Variants in SYT17 observed in about 807,000 individuals in gnomAD.
SYT17 encodes the protein synaptotagmin-17.
Under a neutral mutation model 46.7 loss-of-function variants are expected in SYT17, and 22 were observed. That is an observed-to-expected ratio of 0.47 (90% confidence interval 0.34 to 0.67). The LOEUF (loss-of-function observed/expected upper bound fraction) is 0.67. SYT17 is among the 30% of genes least tolerant of loss of function. The pLI, the probability that SYT17 is intolerant of heterozygous loss-of-function variation, is 0.01. For synonymous variants in SYT17, 251 were observed against 248.4 expected, an observed-to-expected ratio of 1.01 and a Z score of -0.10; for missense variants, 519 against 612.8, an observed-to-expected ratio of 0.85 and a Z score of 1.62.
At chr16:19,223,497 G>GT (rs1026957283) in intron 6 of SYT17, among the ~76,000 whole-genome samples, 9 of 152,120 alleles carry the variant, frequency 5.9e-5, no homozygotes, top group Non-Finnish European at 1.0e-4. Flanking sequence ...ACACCCTAAG[G>GT]TTTTTCGCCA....
chr16:19,175,366 A>T (rs1414235201), intron 3 of SYT17, among the ~76,000 whole-genome samples: 2 of 151,922 alleles, frequency 1.3e-5, no homozygotes, highest in African/African-American at 4.8e-5. Flanking sequence ...TCAAGAGATA[A>T]TTCACAGCCG....
At position 19,245,471 on chromosome 16, in the gene SYT17, C is replaced by T. The variant is rs182938331; in HGVS notation, c.1228+20633C>T. On this transcript the variant is annotated intron_variant, in intron 7 of 7. Transcript: ENST00000355377. The stretch of plus-strand genomic sequence containing the variant: ...TGAGGTGGTGATCTCCACCAGGCGC[C>T]GAGAAGGGCAGGTTTGCCTGGGCTC... 3.6e-3 allele frequency among the ~76,000 whole-genome samples: 545 copies of T among 152,208 alleles called. 2 individuals carry two copies. Among genetic ancestry groups the T allele is most frequent in the African/African-American group, 0.012 (506 of 41,502 alleles).
In SYT17 at chr16:19,224,685, C is replaced by T; in HGVS notation, c.1075C>T (p.Pro359Ser). ...ATGATGCTGTGTCTAATTTTCAGAC[C>T]CCTTTGTGAAAATCCAGCTGGTGCA... The part of the protein sequence containing the change: ...LQTDVSQGSD[P>S]FVKIQLVHGL... Residue 359 changes from proline (P) to serine (S), a missense_variant and splice_region_variant, in exon 7 of 8, where the codon CCC (proline) becomes TCC (serine). Physicochemically the swap from Pro to Ser is moderately conservative, Grantham distance 74 (BLOSUM62 -1). Transcript: ENST00000355377. 6.2e-7 allele frequency: 1 copy of T among 1,613,756 alleles called. No individual in the cohort carries two copies. The highest frequency in any genetic ancestry group is 8.5e-7 in the Non-Finnish European group (1 of 1,179,804).
intron 5 of SYT17, among the ~76,000 whole-genome samples, chr16:19,219,120 AGGCCGGGCGCGGTGGCTC>A (rs1966206158): frequency 3.1e-5 from 2 of 63,666 alleles, no homozygotes; most frequent in African/African-American, 8.6e-5. Context: ...TAATAAAACA[AGGCCGGGCGCGGTGGCTC>A]ACGCCTGTAA....
rs1965266869 is a variant in SYT17 at position 19,196,864 on chromosome 16, T to G, written c.951+12717T>G. ...AGAATAATTTCTCTGGGACTTTTTT[T>G]TAAGCCAAAATACTTGATAATTTGA... On this transcript the variant is annotated intron_variant, in intron 5 of 7. Transcript: ENST00000355377. 2.6e-5 allele frequency among the ~76,000 whole-genome samples: 4 copies of G among 152,226 alleles called. No homozygotes were observed. In the South Asian group the frequency reaches 8.3e-4, roughly 32 times the overall value.
At chr16:19,261,174 C>T (rs79355724) in intron 7 of SYT17, among the ~76,000 whole-genome samples, 2,290 of 152,260 alleles carry the variant, frequency 0.015, 50 homozygotes, top group African/African-American at 0.052. Context: ...TCTATTTTCT[C>T]CAACACACTT....
At chr16:19,209,738 C>T (rs1003864160) in intron 5 of SYT17, among the ~76,000 whole-genome samples, 9 of 150,958 alleles carry the variant, frequency 6.0e-5, no homozygotes, top group African/African-American at 1.7e-4. Flanking sequence ...ATTAGCCGGG[C>T]GTGGTGGTGG....
At chr16:19,232,082 T>C (rs1050409160) in intron 7 of SYT17, among the ~76,000 whole-genome samples, 1 of 152,054 alleles carries the variant, frequency 6.6e-6, no homozygotes, top group Admixed American at 6.5e-5. Context: ...GAAGAGAAAT[T>C]GAGGCTGACG....
At chr16:19,266,030 G>T (rs1268843205) in intron 7 of SYT17, among the ~76,000 whole-genome samples, 1 of 152,224 alleles carries the variant, frequency 6.6e-6, no homozygotes, top group African/African-American at 2.4e-5. Context: ...CTTACCACCT[G>T]CTTGGCACTG....
intron 5 of SYT17, among the ~76,000 whole-genome samples, chr16:19,221,093 G>A (rs572428326): frequency 6.6e-6 from 1 of 151,124 alleles, no homozygotes; most frequent in East Asian, 2.0e-4. Flanking sequence ...GGATGTTAAG[G>A]TAGTAGGATC....
At chr16:19,196,452 G>A (rs528870877) in intron 5 of SYT17, among the ~76,000 whole-genome samples, 30 of 151,900 alleles carry the variant, frequency 2.0e-4, no homozygotes, top group Admixed American at 3.3e-4. Flanking sequence ...CATGTTGGCC[G>A]GGCTGGTCTC....
intron 7 of SYT17, among the ~76,000 whole-genome samples, chr16:19,260,288 G>C (rs367967119): frequency 3.1e-5 from 4 of 129,838 alleles, no homozygotes; most frequent in South Asian, 2.6e-4. Context: ...TCAGGAGTTA[G>C]AGACCAGCCT....
chr16:19,229,843 T>C (rs1371777371), intron 7 of SYT17, among the ~76,000 whole-genome samples: 2 of 152,130 alleles, frequency 1.3e-5, no homozygotes, highest in Non-Finnish European at 2.9e-5. Context: ...GTAAACAAAG[T>C]GGTGCATACA....
At chr16:19,205,792 C>A (rs1045510919) in intron 5 of SYT17, among the ~76,000 whole-genome samples, 1 of 152,198 alleles carries the variant, frequency 6.6e-6, no homozygotes, top group African/African-American at 2.4e-5. Flanking sequence ...CCTTGACTTT[C>A]CTTTTAAAGA....
At chr16:19,258,360 G>A (rs1199747008) in intron 7 of SYT17, among the ~76,000 whole-genome samples, 1 of 152,116 alleles carries the variant, frequency 6.6e-6, no homozygotes, top group Non-Finnish European at 1.5e-5. Flanking sequence ...GATAGAGGAG[G>A]CCAGGCACGG....
At position 19,224,634 on chromosome 16, in the gene SYT17, T is replaced by C. The variant is rs1323470725; in HGVS notation, c.1073-49T>C. 1.9e-6 allele frequency: 3 copies of C among 1,599,126 alleles called. No homozygotes were observed. In the South Asian group the frequency reaches 3.3e-5, roughly 18 times the overall value. ...TTGAATGGCAGAATGACTGGACGGATTAGGTTTCATGATCTCCAACATTCT... is the reference window on the plus strand; with the variant it reads ...TTGAATGGCAGAATGACTGGACGGACTAGGTTTCATGATCTCCAACATTCT... On this transcript the variant is annotated intron_variant, in intron 6 of 7. Coordinates refer to ENST00000355377, the MANE Select transcript of SYT17 (RefSeq NM_016524.4).
chr16:19,211,789 C>A (rs1965912998), intron 5 of SYT17, among the ~76,000 whole-genome samples: 1 of 151,960 alleles, frequency 6.6e-6, no homozygotes, highest in Non-Finnish European at 1.5e-5. Context: ...CCAAGCCCGG[C>A]TAATATTTTT....
intron 7 of SYT17, among the ~76,000 whole-genome samples, chr16:19,262,078 G>T (rs1969013497): frequency 6.6e-6 from 1 of 152,164 alleles, no homozygotes; most frequent in Non-Finnish European, 1.5e-5. Context: ...TCACCCTCAG[G>T]TCCAATGATT....
At chr16:19,207,483 G>T (rs192379445) in intron 5 of SYT17, among the ~76,000 whole-genome samples, 1 of 152,018 alleles carries the variant, frequency 6.6e-6, no homozygotes, top group South Asian at 2.1e-4. Flanking sequence ...TGGAAGGCAA[G>T]GGGGGGAAAG....
Sources: gnomAD v4.1 joint callset for allele counts (sites outside exome capture counted in the v4.1 genomes callset) on GRCh38, gnomAD v4.1.1 for gene constraint, MANE v1.5 for transcripts, NCBI Gene and HGNC (gene_info 2026-07-23, HGNC 2026-07-21) for gene names.